Variants in ZFX observed in about 807,000 individuals in gnomAD.
ZFX encodes the protein zinc finger X-chromosomal protein.
For synonymous variants in ZFX, 196 were observed against 226.8 expected (o/e 0.86, Z 1.22); for missense variants, 362 against 628.3 (o/e 0.58, Z 4.53).
At chrX:24,173,561 CGTT>C (rs1934835533) in intron 4 of ZFX, 11 of 1,130,741 alleles carry the variant, frequency 9.7e-6, no homozygotes, top group Non-Finnish European at 1.2e-5. Flanking sequence ...AATTATATAA[CGTT>C]GTAAAGTGGT....
At chrX:24,196,398 C>T (rs1306626991) in intron 5 of ZFX, among the ~76,000 whole-genome samples, 1 of 112,197 alleles carries the variant, frequency 8.9e-6, no homozygotes, top group Non-Finnish European at 1.9e-5. Flanking sequence ...CAGGCATGAG[C>T]CACTGCGCCC....
intron 5 of ZFX, among the ~76,000 whole-genome samples, chrX:24,180,973 A>G (rs1469265785): frequency 8.9e-6 from 1 of 112,482 alleles, no homozygotes; most frequent in Non-Finnish European, 1.9e-5. Context: ...TAGATTGGCT[A>G]GGCCACGGTT....
chrX:24,163,399 A>G (rs1235221441), intron 3 of ZFX, among the ~76,000 whole-genome samples: 1 of 28,360 alleles, frequency 3.5e-5, no homozygotes, highest in African/African-American at 9.2e-5. Flanking sequence ...TTTTTTTGAT[A>G]CAGAGTCTCA....
At chrX:24,185,931 T>A (rs1191579893) in intron 5 of ZFX, among the ~76,000 whole-genome samples, 1 of 106,871 alleles carries the variant, frequency 9.4e-6, no homozygotes, top group African/African-American at 3.4e-5. Flanking sequence ...GAGACCCTGT[T>A]TCTTAAAAAA....
At chrX:24,172,860 A>G (rs17312136) in intron 4 of ZFX, 60 bp downstream of exon 4, 102,221 of 1,068,159 alleles carry the variant, frequency 0.096, 3,501 homozygotes, top group South Asian at 0.15. Context: ...GTTGTCATCA[A>G]TGAATTGCTA....
intron 3 of ZFX, among the ~76,000 whole-genome samples, chrX:24,165,340 CG>C (rs1276268358): frequency 8.9e-6 from 1 of 112,114 alleles, no homozygotes; most frequent in Non-Finnish European, 1.9e-5. Context: ...AGGATGTTCT[CG>C]ATCTCCTGAC....
At chrX:24,172,395 T>C (rs754283277) in intron 3 of ZFX, among the ~76,000 whole-genome samples, 1 of 111,825 alleles carries the variant, frequency 8.9e-6, no homozygotes, top group East Asian at 2.8e-4. Context: ...TTGATCAGGG[T>C]AGTGATTACA....
chrX:24,208,434 A>G, intron 8 of ZFX, 64 bp downstream of exon 8: 1 of 1,170,123 alleles, frequency 8.5e-7, no homozygotes, highest in South Asian at 1.9e-5. Context: ...CCATGATTGA[A>G]AAATGGTTTC....
At chrX:24,201,921 C>A (rs2238927) in intron 5 of ZFX, among the ~76,000 whole-genome samples, 33,945 of 110,728 alleles carry the variant, frequency 0.31, 3,866 homozygotes, top group South Asian at 0.63. Context: ...GCCTTCATAT[C>A]ATTAAGCTTG....
At chrX:24,188,090 C>T (rs957547593) in intron 5 of ZFX, among the ~76,000 whole-genome samples, 2 of 109,233 alleles carry the variant, frequency 1.8e-5, no homozygotes, top group South Asian at 4.0e-4. Context: ...GAGAATCGTT[C>T]GAATACGGGA....
chrX:24,151,800 G>C lies in ZFX; in HGVS notation c.-140G>C, dbSNP rs1467121277. ...GTCTGTTCCCTGAGCTGTGCTTTAC[G>C]GTACTTAGTAGTTCCATTGGACTAG... is the stretch of plus-strand genomic sequence containing the variant. On this transcript the variant is annotated splice_region_variant and 5_prime_UTR_variant, in exon 2 of 10. Transcript: ENST00000304543. The C allele has an allele frequency of 9.0e-6, 1 of 111,684 alleles. No homozygotes were observed. Among genetic ancestry groups the C allele is most frequent in the Non-Finnish European group, 1.9e-5 (1 of 53,119 alleles). 9.2% of individuals were successfully genotyped at this position (111,684 alleles called of 1,213,427 possible).
At chrX:24,194,094 C>G (rs1365835687) in intron 5 of ZFX, among the ~76,000 whole-genome samples, 1 of 111,780 alleles carries the variant, frequency 8.9e-6, no homozygotes, top group Non-Finnish European at 1.9e-5. Context: ...TGGCTTATTT[C>G]ACCTAGCATG....
Position 24,150,852 on chromosome X carries a change from C to T in ZFX, c.-249-839C>T, listed in dbSNP as rs1040215309. The T allele has an allele frequency of 5.3e-5, 6 of 112,415 alleles. No individual in the cohort carries two copies. In the East Asian group the frequency reaches 1.1e-3, roughly 21 times the overall value. The allele number at this position is 112,415 out of a possible 1,213,427, so 9.3% of individuals were successfully genotyped here. ...GGGAAAGTTTTTGCCATTCTTTTGT[C>T]CTATAGGGAAAAAAATTGCACAACA... is the stretch of plus-strand genomic sequence containing the variant. On this transcript the variant is annotated intron_variant, in intron 1 of 9. Transcript: ENST00000304543.
At chrX:24,189,509 C>T (rs183309638) in intron 5 of ZFX, among the ~76,000 whole-genome samples, 12 of 111,428 alleles carry the variant, frequency 1.1e-4, no homozygotes, top group African/African-American at 1.3e-4. Flanking sequence ...GTTCAGGGAG[C>T]GAATAAATAC....
intron 8 of ZFX, 134 bp from the exon 9 acceptor site, chrX:24,208,766 A>G: frequency 2.8e-6 from 2 of 703,058 alleles, no homozygotes; most frequent in Non-Finnish European, 2.1e-6. Context: ...CATAAAACCC[A>G]TGACCTAGAA....
chrX:24,210,152 C>T, intron 9 of ZFX, 41 bp from the exon 10 acceptor site: 5 of 1,207,304 alleles, frequency 4.1e-6, no homozygotes, highest in Non-Finnish European at 5.6e-6. Flanking sequence ...TGGAACAGAA[C>T]TTGGTTTGAG....
At chrX:24,195,674 G>A (rs1172769754) in intron 5 of ZFX, among the ~76,000 whole-genome samples, 1 of 111,498 alleles carries the variant, frequency 9.0e-6, no homozygotes, top group African/African-American at 3.3e-5. Context: ...AATTTTTGTA[G>A]TTCTAGTAGA....
chrX:24,149,573 T>G (rs1293257711), upstream of ZFX: 5 of 110,573 alleles, frequency 4.5e-5, no homozygotes, highest in African/African-American at 6.5e-5. Context: ...GGAGGGGGCC[T>G]GTCTACCCTT....
At chrX:24,206,021 A>G (rs1937562398) in intron 5 of ZFX, among the ~76,000 whole-genome samples, 1 of 109,570 alleles carries the variant, frequency 9.1e-6, no homozygotes, top group Admixed American at 9.8e-5. Context: ...CATACAGGCT[A>G]TTATACCTTC....
Sources: gnomAD v4.1 joint callset for allele counts (sites outside exome capture counted in the v4.1 genomes callset) on GRCh38, gnomAD v4.1.1 for gene constraint, MANE v1.5 for transcripts, NCBI Gene and HGNC (gene_info 2026-07-23, HGNC 2026-07-21) for gene names.